PCTP: variants seen among roughly 807,000 people sequenced by gnomAD.
PCTP encodes the protein phosphatidylcholine transfer protein.
In PCTP, 27 loss-of-function variants were observed where a neutral mutation model predicts 31.0. That is an observed-to-expected ratio of 0.87 (90% CI 0.64 to 1.20). The LOEUF (loss-of-function observed/expected upper bound fraction) is 1.20. PCTP is among the 50% of genes most tolerant of loss of function. PCTP has a pLI of 0.00. For missense variants in PCTP, 287 were observed against 268.2 expected, an observed-to-expected ratio of 1.07 and a Z score of -0.49; for synonymous variants, 108 against 101.2, an observed-to-expected ratio of 1.07 and a Z score of -0.40.
chr17:55,755,858 A>C (rs1014115774), intron 1 of PCTP, among the ~76,000 whole-genome samples: 53 of 152,214 alleles, frequency 3.5e-4, no homozygotes, highest in Non-Finnish European at 1.5e-5. Context: ...GGCTTACTTT[A>C]CAAATGGAAA....
intron 2 of PCTP, 153 bp from the exon 3 acceptor site, chr17:55,770,953 G>T: frequency 1.8e-6 from 1 of 552,594 alleles, no homozygotes; most frequent in Non-Finnish European, 3.3e-6. Context: ...GGCTGGTCTT[G>T]AACTCCTGGA....
downstream of PCTP, among the ~76,000 whole-genome samples, chr17:55,782,057 C>A (rs1911584107): frequency 6.6e-6 from 1 of 152,172 alleles, no homozygotes; most frequent in African/African-American, 2.4e-5. Context: ...AGTCCAAAAG[C>A]TGGCAAGCTG....
Position 55,773,542 on chromosome 17 carries a change from G to A in PCTP, c.340-182G>A, listed in dbSNP as rs1164689647. 8.3e-5 allele frequency: 47 copies of A among 566,036 alleles called. No homozygotes were observed. In the East Asian group the frequency reaches 1.3e-3, roughly 15 times the overall value. The allele number at this position is 566,036 out of a possible 1,614,324, so 35.1% of individuals were successfully genotyped here. On this transcript the variant is annotated intron_variant, in intron 3 of 5. Coordinates refer to ENST00000268896, the MANE Select transcript of PCTP (RefSeq NM_021213.4). ...TGCTCTTTGGTGAGAATACTAGGTGGTGTGAGGCACAGTCTTGCAGTGCAG... is the reference window on the plus strand; with the variant it reads ...TGCTCTTTGGTGAGAATACTAGGTGATGTGAGGCACAGTCTTGCAGTGCAG...
chr17:55,784,302 T>C (rs575016918), intron 2 of PCTP, among the ~76,000 whole-genome samples: 98 of 152,250 alleles, frequency 6.4e-4, no homozygotes, highest in African/African-American at 2.3e-3. Flanking sequence ...TCCCTAAATA[T>C]CTGTGGCTGT....
At chr17:55,751,296 A>ACCTC in intron 1 of PCTP, 52 bp downstream of exon 1, 4 of 1,514,526 alleles carry the variant, frequency 2.6e-6, no homozygotes, top group Non-Finnish European at 3.5e-6. Context: ...GCCGGGGTCG[A>ACCTC]CCTCCCCGCA....
intron 2 of PCTP, among the ~76,000 whole-genome samples, chr17:55,786,737 G>A (rs1017822326): frequency 6.6e-6 from 1 of 152,052 alleles, no homozygotes; most frequent in Non-Finnish European, 1.5e-5. Flanking sequence ...TCTTCATTTT[G>A]TGGTCATCTT....
intron 2 of PCTP, chr17:55,769,922 C>G (rs1489350738): frequency 6.6e-6 from 1 of 152,210 alleles, no homozygotes; most frequent in South Asian, 2.1e-4. Flanking sequence ...AGATGTCCAC[C>G]TCTCCCTTTC....
chr17:55,789,922 G>A (rs993249549), intron 3 of PCTP, among the ~76,000 whole-genome samples: 18 of 152,170 alleles, frequency 1.2e-4, no homozygotes, highest in Middle Eastern at 6.8e-3. Flanking sequence ...CTGGCAAACC[G>A]AATCCAGCAG....
chr17:55,839,613 C>T (rs1056474702), intron 5 of PCTP, among the ~76,000 whole-genome samples: 1 of 152,126 alleles, frequency 6.6e-6, no homozygotes, highest in African/African-American at 2.4e-5. Context: ...CATAAGAAGT[C>T]AAAGGTTTGG....
chr17:55,754,051 T>C (rs1197019580), intron 1 of PCTP, among the ~76,000 whole-genome samples: 1 of 152,244 alleles, frequency 6.6e-6, no homozygotes, highest in South Asian at 2.1e-4. Context: ...AGAAGACTCC[T>C]GTGACCAAAT....
chr17:55,845,890 GTGTGTGT>G (rs1906136293), downstream of PCTP, among the ~76,000 whole-genome samples: 2 of 115,070 alleles, frequency 1.7e-5, no homozygotes, highest in Non-Finnish European at 3.6e-5. Context: ...GGGTTGGGGT[GTGTGTGT>G]GTGTGTGTGT....
intron 5 of PCTP, among the ~76,000 whole-genome samples, chr17:55,832,313 A>G (rs900856957): frequency 6.6e-6 from 1 of 152,132 alleles, no homozygotes; most frequent in Admixed American, 6.5e-5. Context: ...TCATGCTATT[A>G]TTATTTTTAC....
intron 2 of PCTP, among the ~76,000 whole-genome samples, chr17:55,782,387 T>A (rs953607714): frequency 5.3e-5 from 8 of 152,224 alleles, no homozygotes; most frequent in African/African-American, 1.9e-4. Flanking sequence ...GAGCCCAGTG[T>A]TCTCAGATAA....
chr17:55,783,888 G>C (rs1911653545), intron 2 of PCTP, among the ~76,000 whole-genome samples: 1 of 152,200 alleles, frequency 6.6e-6, no homozygotes, highest in African/African-American at 2.4e-5. Context: ...GCCTGCCAGG[G>C]AGGCCGTTTC....
At chr17:55,829,312 G>A (rs1905517745) in intron 5 of PCTP, among the ~76,000 whole-genome samples, 1 of 152,000 alleles carries the variant, frequency 6.6e-6, no homozygotes, top group African/African-American at 2.4e-5. Flanking sequence ...ATTTTTGTTT[G>A]TTTGTTTGTT....
chr17:55,833,507 C>G (rs1367061693), intron 5 of PCTP, among the ~76,000 whole-genome samples: 1 of 152,210 alleles, frequency 6.6e-6, no homozygotes, highest in African/African-American at 2.4e-5. Context: ...CATGCACTGC[C>G]TGGCACAGTT....
chr17:55,817,707 A>G (rs1288455519), intron 3 of PCTP, among the ~76,000 whole-genome samples: 1 of 152,138 alleles, frequency 6.6e-6, no homozygotes, highest in Non-Finnish European at 1.5e-5. Flanking sequence ...ACAGGCTTGC[A>G]CTCCTTGGTT....
intron 5 of PCTP, among the ~76,000 whole-genome samples, chr17:55,831,371 C>A (rs1454501517): frequency 6.6e-6 from 1 of 152,184 alleles, no homozygotes; most frequent in African/African-American, 2.4e-5. Flanking sequence ...CTTTGTGGTG[C>A]AAGAAGCAAG....
intron 1 of PCTP, among the ~76,000 whole-genome samples, chr17:55,760,101 T>C (rs1217016838): frequency 6.6e-6 from 1 of 152,206 alleles, no homozygotes; most frequent in Admixed American, 6.5e-5. Context: ...GTGATAACAG[T>C]AACAGATTTC....
Sources: allele counts gnomAD v4.1 joint callset (sites outside exome capture counted in the v4.1 genomes callset), GRCh38; gene constraint gnomAD v4.1.1; transcripts MANE v1.5; gene names NCBI Gene and HGNC (gene_info 2026-07-23, HGNC 2026-07-21).